The following NCKAP1 variants were observed in gnomAD, a reference collection of about 807,000 sequenced individuals.
The protein encoded by NCKAP1 is nck-associated protein 1.
A neutral mutation model predicts 151.2 loss-of-function variants in NCKAP1; 21 were observed. The observed-to-expected ratio is 0.14, with a 90% CI of 0.10 to 0.20. NCKAP1 has a LOEUF of 0.20. Ranked by LOEUF, NCKAP1 falls within the 10% of genes least tolerant of loss-of-function variation. NCKAP1 has a pLI of 1.00. For missense variants in NCKAP1, 933 were observed against 1,352.1 expected, an observed-to-expected ratio of 0.69 and a Z score of 4.86; for synonymous variants, 484 against 451.8, an observed-to-expected ratio of 1.07 and a Z score of -0.90.
At chr2:182,974,441 G>C (rs899385862) in intron 15 of NCKAP1, among the ~76,000 whole-genome samples, 1 of 152,040 alleles carries the variant, frequency 6.6e-6, no homozygotes, top group African/African-American at 2.4e-5. Flanking sequence ...GGTCTTTCCA[G>C]AGCTAAGCAC....
At position 182,925,907 on chromosome 2, in the gene NCKAP1, T is replaced by C. The variant is rs149142871; in HGVS notation, c.3271-89A>G. 9.7e-4 allele frequency: 584 copies of C among 604,346 alleles called. 5 individuals carry two copies. The African/African-American group carries it at 0.01, about 10-fold the overall frequency. 37.4% of individuals were successfully genotyped at this position (604,346 alleles called of 1,614,324 possible). A position where few individuals can be genotyped will look rare whatever the true frequency, so the allele number is the denominator to read the frequency against. On this transcript the variant is annotated intron_variant, in intron 30 of 30. Coordinates refer to ENST00000361354, the MANE Select transcript of NCKAP1 (RefSeq NM_013436.5). ...AAGTTATTTATAATGGGAACATTTA[T>C]TGACAACCAGTAAGGCATAACTTCT...
At chr2:183,037,928 C>T in intron 1 of NCKAP1, 64 bp downstream of exon 1, 2 of 1,331,942 alleles carry the variant, frequency 1.5e-6, no homozygotes, top group Non-Finnish European at 2.0e-6. Context: ...CCCACGGCCT[C>T]CCTTGCCCTT....
chr2:182,988,919 G>A lies in NCKAP1; in HGVS notation c.947+111C>T, dbSNP rs529191945. 4.5e-6 allele frequency: 4 copies of A among 884,728 alleles called. No homozygotes were observed. In the South Asian group the frequency reaches 7.2e-5, roughly 16 times the overall value. 54.8% of individuals were successfully genotyped at this position (884,728 alleles called of 1,614,324 possible). A position where few individuals can be genotyped will look rare whatever the true frequency, so the allele number is the denominator to read the frequency against. On this transcript the variant is annotated intron_variant, in intron 9 of 30. Coordinates refer to ENST00000361354, the MANE Select transcript of NCKAP1 (RefSeq NM_013436.5). ...CCTGGGATCCAAGTCAGATGGTATA[G>A]GCTGTATCTTCCTGCACAGTGTGAC...
intron 30 of NCKAP1, 90 bp from the exon 31 acceptor site, chr2:182,925,908 T>G: frequency 3.4e-6 from 2 of 593,352 alleles, no homozygotes; most frequent in South Asian, 5.8e-5. Flanking sequence ...GAACATTTAT[T>G]GACAACCAGT....
At chr2:182,980,752 C>G (rs1427930323) in intron 13 of NCKAP1, among the ~76,000 whole-genome samples, 8 of 152,076 alleles carry the variant, frequency 5.3e-5, no homozygotes, top group Middle Eastern at 3.4e-3. Context: ...ACTTAATTAC[C>G]AATTATATTG....
intron 1 of NCKAP1, among the ~76,000 whole-genome samples, chr2:183,024,806 T>C (rs758161795): frequency 1.3e-5 from 2 of 152,208 alleles, no homozygotes; most frequent in Non-Finnish European, 2.9e-5. Context: ...GGATGTGTCC[T>C]TTGGAAAGTT....
intron 4 of NCKAP1, 131 bp downstream of exon 4, chr2:183,002,843 T>TA (rs1698399564): frequency 1.3e-5 from 8 of 610,582 alleles, no homozygotes; most frequent in Middle Eastern, 3.6e-4. Context: ...AAAAAAGCTA[T>TA]AAAACAAGCC....
chr2:182,970,669 T>C (rs1697668814), intron 15 of NCKAP1, among the ~76,000 whole-genome samples: 1 of 152,092 alleles, frequency 6.6e-6, no homozygotes, highest in South Asian at 2.1e-4. Flanking sequence ...TACACTGAAT[T>C]GGGGAAAACT....
rs1559070149 is a variant in NCKAP1, at chr2:182,930,720, G to A, written c.2928C>T (p.Val976=). The change falls in exon 27 of 31, where the codon GTC becomes GTT. Residue 976 remains valine (V), a synonymous_variant. Transcript: ENST00000361354. ...GLPCEIDPAL[V]VALSSQKSEN... The stretch of plus-strand genomic sequence containing the variant: ...CCGATTTTTGTGAAGAAAGAGCTAC[G>A]ACCAATGCAGGATCAATCTCACAAG... The A allele has an allele frequency of 2.4e-5, 38 of 1,613,100 alleles. No homozygotes were observed. The highest frequency in any genetic ancestry group is 3.1e-5 in the Non-Finnish European group (37 of 1,179,350).
At chr2:182,969,796 G>C (rs1697649309) in intron 15 of NCKAP1, among the ~76,000 whole-genome samples, 1 of 151,878 alleles carries the variant, frequency 6.6e-6, no homozygotes, top group Non-Finnish European at 1.5e-5. Context: ...AAAGATCGGA[G>C]CAGAAATAAA....
In NCKAP1 at chr2:182,958,082, TA is replaced by T. The variant is rs1575029904; in HGVS notation, c.1882-487del. On this transcript the variant is annotated intron_variant, in intron 18 of 30. Transcript: ENST00000361354. ...GAATGCCAAGCTAGAGGTTGGATTG[TA>T]AACTGCAGGCAAAAAGACAGCGACA... Among the ~76,000 whole-genome samples the T allele has an allele frequency of 2.0e-5, 3 of 152,328 alleles. No individual in the cohort carries two copies. In the East Asian group the frequency reaches 5.8e-4, roughly 29 times the overall value.
rs1696627403 is a variant in NCKAP1, at chr2:182,925,596, T to A, written c.*106A>T. Reference sequence around the variant, plus strand: ...AAAATACAACCGTATGAAAGAAATTTATAATCCACAAAACTTTTTCAGGTC... The same window carrying A: ...AAAATACAACCGTATGAAAGAAATTAATAATCCACAAAACTTTTTCAGGTC... On this transcript the variant is annotated 3_prime_UTR_variant, in exon 31 of 31. Transcript: ENST00000361354. 1.9e-6 allele frequency: 1 copy of A among 537,778 alleles called. No individual in the cohort carries two copies. Among genetic ancestry groups the A allele is most frequent in the East Asian group, 3.1e-5 (1 of 32,074 alleles). 33.3% of individuals were successfully genotyped at this position (537,778 alleles called of 1,614,324 possible). A position where few individuals can be genotyped will look rare whatever the true frequency, so the allele number is the denominator to read the frequency against.
chr2:182,926,798 A>C lies in NCKAP1; in HGVS notation c.3270+18T>G, dbSNP rs767139506. ...CTGGAACTTTTTTATTGTTAGTAAA[A>C]ATTAAAATGAGACTTACCATATCTA... is the stretch of plus-strand genomic sequence containing the variant. On this transcript the variant is annotated intron_variant, in intron 30 of 30. Transcript: ENST00000361354. 3.3e-6 allele frequency: 5 copies of C among 1,503,584 alleles called. No individual in the cohort carries two copies. Among genetic ancestry groups the C allele is most frequent in the Middle Eastern group, 3.5e-4 (2 of 5,678 alleles). 93.1% of individuals were successfully genotyped at this position (1,503,584 alleles called of 1,614,324 possible). A position where few individuals can be genotyped will look rare whatever the true frequency, so the allele number is the denominator to read the frequency against.
rs1697465398 is a variant in NCKAP1 at position 182,962,050 on chromosome 2, T to C, written c.1881+109A>G. ...TTCACAGCAGAGGTTTGAGGTTTACTAATAGTGTGGGAACTAAAGAATGGA... is the reference window on the plus strand; with the variant it reads ...TTCACAGCAGAGGTTTGAGGTTTACCAATAGTGTGGGAACTAAAGAATGGA... On this transcript the variant is annotated intron_variant, in intron 18 of 30. Transcript: ENST00000361354. The C allele has an allele frequency of 2.6e-6, 3 of 1,155,074 alleles. No homozygotes were observed. In the South Asian group the frequency reaches 4.8e-5, roughly 19 times the overall value. The allele number at this position is 1,155,074 out of a possible 1,614,324, so 71.6% of individuals were successfully genotyped here.
chr2:182,981,496 CTTA>C, intron 12 of NCKAP1, 120 bp from the exon 13 acceptor site: 1 of 620,118 alleles, frequency 1.6e-6, no homozygotes, highest in South Asian at 3.2e-5. Flanking sequence ...TTGTTTAATA[CTTA>C]ATGTCAATTA....
At chr2:182,981,166 T>A in intron 13 of NCKAP1, 78 bp downstream of exon 13, 1 of 1,499,810 alleles carries the variant, frequency 6.7e-7, no homozygotes, top group South Asian at 1.2e-5. Context: ...TCATAAATGC[T>A]TGTTGAACAA....
chr2:182,936,353 G>A (rs572496264), intron 24 of NCKAP1, among the ~76,000 whole-genome samples: 26 of 152,192 alleles, frequency 1.7e-4, no homozygotes, highest in African/African-American at 1.7e-4. Context: ...TTTATTGCAC[G>A]CCATATACAA....
At chr2:183,017,449 C>T (rs547344247) in intron 2 of NCKAP1, among the ~76,000 whole-genome samples, 32 of 152,242 alleles carry the variant, frequency 2.1e-4, no homozygotes, top group Admixed American at 1.9e-3. Flanking sequence ...CAACCTAGAT[C>T]CCTCGTGTGC....
chr2:182,961,065 T>C (rs1318537975), intron 18 of NCKAP1, among the ~76,000 whole-genome samples: 2 of 152,118 alleles, frequency 1.3e-5, no homozygotes, highest in African/African-American at 4.8e-5. Flanking sequence ...TGGCGATCAT[T>C]AAAAAGTCAG....
Sources: allele counts gnomAD v4.1 joint callset (sites outside exome capture counted in the v4.1 genomes callset), GRCh38; gene constraint gnomAD v4.1.1; transcripts MANE v1.5; gene names NCBI Gene and HGNC (gene_info 2026-07-23, HGNC 2026-07-21).